The following TNS1 variants were observed in gnomAD, a reference collection of about 807,000 sequenced individuals.
The protein encoded by TNS1 is tensin-1.
TNS1 carries 62 observed loss-of-function variants against 168.6 expected under a neutral mutation model. The ratio of observed to expected loss-of-function variants is 0.37; its 90% CI spans 0.30 to 0.45. The LOEUF (loss-of-function observed/expected upper bound fraction) is 0.45. Ranked by LOEUF, TNS1 falls within the 20% of genes least tolerant of loss-of-function variation. The pLI is 1.00. For synonymous variants in TNS1, 934 were observed against 933.2 expected (o/e 1.00, Z -0.02); for missense variants, 2,240 against 2,339.4 (o/e 0.96, Z 0.88).
upstream of TNS1, among the ~76,000 whole-genome samples, chr2:218,007,087 C>T (rs994251018): frequency 5.9e-5 from 9 of 152,166 alleles, no homozygotes; most frequent in Admixed American, 2.0e-4. Flanking sequence ...CCTCCCAGAC[C>T]ATCCTGAGGG....
chr2:217,890,833 C>T (rs1951671982), intron 12 of TNS1, 129 bp downstream of exon 12: 1 of 958,564 alleles, frequency 1.0e-6, no homozygotes, highest in Admixed American at 2.1e-5. Flanking sequence ...AGGCTGGCAT[C>T]TGAAAACTTG....
chr2:217,877,225 G>C (rs1284066791), intron 18 of TNS1, among the ~76,000 whole-genome samples: 1 of 152,142 alleles, frequency 6.6e-6, no homozygotes, highest in Non-Finnish European at 1.5e-5. Flanking sequence ...CCATAAACGG[G>C]CTTCCCTTTG....
At chr2:217,836,501 C>A (rs1016025556) in intron 19 of TNS1, among the ~76,000 whole-genome samples, 2 of 152,130 alleles carry the variant, frequency 1.3e-5, no homozygotes, top group African/African-American at 4.8e-5. Context: ...AAACAGATGT[C>A]AACTACTTCC....
At chr2:217,854,384 G>C (rs1189133196) in intron 18 of TNS1, among the ~76,000 whole-genome samples, 1 of 152,226 alleles carries the variant, frequency 6.6e-6, no homozygotes, top group Non-Finnish European at 1.5e-5. Flanking sequence ...CCAGCAGGTA[G>C]GTTTTGAATA....
chr2:217,809,320 GATGGATGGATGGATGGATGGATGGATGC>G (rs1940057131), intron 30 of TNS1, among the ~76,000 whole-genome samples: 2 of 74,038 alleles, frequency 2.7e-5, no homozygotes, highest in Non-Finnish European at 2.7e-5. Context: ...TGGATGCATG[GATGGATGGATGGATGGATGGATGGATGC>G]ATGGATGGAT....
chr2:217,843,047 C>T (rs183747118), intron 19 of TNS1, among the ~76,000 whole-genome samples: 17 of 152,192 alleles, frequency 1.1e-4, no homozygotes, highest in African/African-American at 3.9e-4. Flanking sequence ...AAAGCCTAGA[C>T]TGGCAAGCAG....
intron 18 of TNS1, among the ~76,000 whole-genome samples, chr2:217,851,454 C>CAA (rs1433403111): frequency 6.6e-6 from 1 of 151,638 alleles, no homozygotes; most frequent in Non-Finnish European, 1.5e-5. Flanking sequence ...CACACACACA[C>CAA]ACACACACAC....
At chr2:217,930,873 C>T (rs1173987063) in intron 3 of TNS1, among the ~76,000 whole-genome samples, 1 of 152,102 alleles carries the variant, frequency 6.6e-6, no homozygotes, top group Non-Finnish European at 1.5e-5. Context: ...TATTCTGAAG[C>T]AGGGAGGCTG....
intron 2 of TNS1, among the ~76,000 whole-genome samples, chr2:217,990,187 A>G (rs1485661079): frequency 2.9e-5 from 4 of 140,168 alleles, no homozygotes; most frequent in African/African-American, 1.1e-4. Flanking sequence ...CTCAGCACAC[A>G]TCATCCACAC....
At chr2:217,988,827 A>C (rs1040707626) in intron 2 of TNS1, among the ~76,000 whole-genome samples, 2 of 152,150 alleles carry the variant, frequency 1.3e-5, no homozygotes, top group African/African-American at 4.8e-5. Flanking sequence ...CGACGTGACC[A>C]CTGCCAACCT....
chr2:217,968,826 C>T (rs1435331190), intron 3 of TNS1, among the ~76,000 whole-genome samples: 1 of 152,182 alleles, frequency 6.6e-6, no homozygotes, highest in Non-Finnish European at 1.5e-5. Flanking sequence ...TCCCGAGTAG[C>T]TGGGTTTACA....
intron 24 of TNS1, 85 bp from the exon 25 acceptor site, chr2:217,815,083 G>T: frequency 8.9e-7 from 1 of 1,121,290 alleles, no homozygotes; most frequent in Non-Finnish European, 1.3e-6. Flanking sequence ...CCCAGTGCTT[G>T]TGAATTTGAC....
At chr2:217,953,664 C>T (rs1210275498) in intron 3 of TNS1, among the ~76,000 whole-genome samples, 1 of 152,150 alleles carries the variant, frequency 6.6e-6, no homozygotes, top group Non-Finnish European at 1.5e-5. Context: ...AGCCCGCTCC[C>T]ACCTCCACAA....
At chr2:217,885,239 G>T in intron 15 of TNS1, 75 bp from the exon 16 acceptor site, 1 of 1,593,336 alleles carries the variant, frequency 6.3e-7, no homozygotes, top group Non-Finnish European at 8.6e-7. Flanking sequence ...CTCCTTATCA[G>T]CTCCGCTGAC....
In TNS1 at chr2:217,817,818, A is replaced by T; in HGVS notation, c.4514T>A (p.Leu1505His). 1 of 1,614,170 alleles carries T rather than the reference A, an allele frequency of 6.2e-7. No individual in the cohort carries two copies. ...RMSVGDRAGSLPNYATINGKV... is the reference protein window; with the variant it reads ...RMSVGDRAGSHPNYATINGKV... ...CCCATTGATGGTGGCATAGTTGGGGAGGCTGCCTGCCCGGTCTCCCACTGA... is the reference window on the plus strand; with the variant it reads ...CCCATTGATGGTGGCATAGTTGGGGTGGCTGCCTGCCCGGTCTCCCACTGA... The change falls in exon 24 of 33, where the codon CTC (leucine) becomes CAC (histidine). Residue 1505 changes from leucine to histidine, a missense_variant. Physicochemically the swap from Leu to His is moderately conservative, Grantham distance 99. Transcript: ENST00000682258.
At chr2:217,845,597 A>T (rs967944656) in intron 19 of TNS1, among the ~76,000 whole-genome samples, 1 of 152,236 alleles carries the variant, frequency 6.6e-6, no homozygotes, top group South Asian at 2.1e-4. Flanking sequence ...TGATGGAGGA[A>T]ATGGCAACAG....
At chr2:217,906,522 T>G (rs1953727126) in intron 5 of TNS1, 137 bp from the exon 6 acceptor site, 1 of 644,074 alleles carries the variant, frequency 1.6e-6, no homozygotes, top group Non-Finnish European at 2.8e-6. Flanking sequence ...TTGTTTCACA[T>G]TTCTTTGCCC....
At chr2:217,820,242 T>A (rs1482752506) in intron 23 of TNS1, among the ~76,000 whole-genome samples, 2 of 152,084 alleles carry the variant, frequency 1.3e-5, no homozygotes, top group Non-Finnish European at 2.9e-5. Flanking sequence ...AGGAGGGATT[T>A]GAGTGAGAAA....
At position 217,813,886 on chromosome 2, in the gene TNS1, A is replaced by C; in HGVS notation, c.4730-70T>G. 6.4e-5 allele frequency: 94 copies of C among 1,477,586 alleles called. No individual in the cohort carries two copies. The highest frequency in any genetic ancestry group is 2.4e-4 in the Middle Eastern group (1 of 4,090). 91.5% of individuals were successfully genotyped at this position (1,477,586 alleles called of 1,614,324 possible). A position where few individuals can be genotyped will look rare whatever the true frequency, so the allele number is the denominator to read the frequency against. On this transcript the variant is annotated intron_variant, in intron 25 of 32. Coordinates refer to ENST00000682258, the MANE Select transcript of TNS1 (RefSeq NM_001387777.1). The surrounding 1 kb of genome is among the most constrained non-coding windows in gnomAD (Gnocchi z 4.0). Reference sequence around the variant, plus strand: ...GTGGCGCTAGTTTTACTTAAGTCTCATTGAGCCTACCGACCTTCGTTCTTT... The same window carrying C: ...GTGGCGCTAGTTTTACTTAAGTCTCCTTGAGCCTACCGACCTTCGTTCTTT...
Sources: gnomAD v4.1 joint callset for allele counts (sites outside exome capture counted in the v4.1 genomes callset) on GRCh38, gnomAD v4.1.1 for gene constraint, Gnocchi (gnomAD v3.1) non-coding constraint, MANE v1.5 for transcripts, NCBI Gene and HGNC (gene_info 2026-07-23, HGNC 2026-07-21) for gene names.